Variants in DPP6 observed in about 807,000 individuals in gnomAD.
DPP6 encodes the protein dipeptidyl peptidase like 6.
DPP6 carries 69 observed loss-of-function variants against 122.6 expected under a neutral mutation model. The observed-to-expected ratio is 0.56, with a 90% CI of 0.46 to 0.69. DPP6 has a LOEUF of 0.69. DPP6 is among the 30% of genes least tolerant of loss of function. The pLI is 0.00. For missense variants in DPP6, 928 were observed against 1,116.9 expected, an observed-to-expected ratio of 0.83 and a Z score of 2.41; for synonymous variants, 418 against 433.1, an observed-to-expected ratio of 0.97 and a Z score of 0.43.
intron 1 of DPP6, among the ~76,000 whole-genome samples, chr7:154,211,062 CA>C (rs1799714716): frequency 6.6e-6 from 1 of 152,186 alleles, no homozygotes; most frequent in Non-Finnish European, 1.5e-5. Context: ...TGGCACAGGT[CA>C]TAGGAACCCC....
At chr7:154,429,786 C>T (rs146860419) in intron 1 of DPP6, among the ~76,000 whole-genome samples, 37 of 152,246 alleles carry the variant, frequency 2.4e-4, no homozygotes, top group African/African-American at 7.9e-4. Flanking sequence ...TGAGGTGCAG[C>T]GAGGCCGGTG....
chr7:154,016,111 A>G (rs1798399015), intron 1 of DPP6, among the ~76,000 whole-genome samples: 1 of 152,104 alleles, frequency 6.6e-6, no homozygotes, highest in Non-Finnish European at 1.5e-5. Context: ...TCTTCCCGCC[A>G]TTCAAGTCAG....
intron 4 of DPP6, among the ~76,000 whole-genome samples, chr7:154,546,941 C>T (rs561219762): frequency 1.3e-5 from 2 of 152,352 alleles, no homozygotes; most frequent in East Asian, 3.9e-4. Context: ...CTGTTAAGTG[C>T]TTTATGCGCT....
intron 1 of DPP6, among the ~76,000 whole-genome samples, chr7:154,150,762 T>C (rs1313062091): frequency 2.6e-5 from 4 of 152,134 alleles, no homozygotes. Flanking sequence ...CCCTTTAATA[T>C]CTACATTTAT....
At position 153,902,194 on chromosome 7, in the gene DPP6, C is replaced by G. The variant is rs375004019; in HGVS notation, c.51+14460C>G. 5.9e-5 allele frequency among the ~76,000 whole-genome samples: 9 copies of G among 152,260 alleles called. No individual in the cohort carries two copies. In the East Asian group the frequency reaches 1.2e-3, roughly 20 times the overall value. ...CTTATATAGCCAGGCAGATGCAACC[C>G]ATTAAATACATGTTTTCAAGATAAA... is the stretch of plus-strand genomic sequence containing the variant. On this transcript the variant is annotated intron_variant, in intron 1 of 25. Coordinates refer to the DPP6 transcript ENST00000404039.
chr7:153,887,872 C>G, intron 1 of DPP6: 1 of 931,084 alleles, frequency 1.1e-6, no homozygotes, highest in African/African-American at 1.7e-5. Context: ...CGGCGCTTCT[C>G]CCACTTCCCA....
chr7:153,916,435 G>A (rs1454872643), intron 1 of DPP6, among the ~76,000 whole-genome samples: 10 of 117,260 alleles, frequency 8.5e-5, no homozygotes, highest in African/African-American at 2.3e-4. Flanking sequence ...TCCCCTCTTC[G>A]AAGTCTATCT....
intron 10 of DPP6, among the ~76,000 whole-genome samples, chr7:154,781,943 C>A (rs144876482): frequency 1.1e-3 from 166 of 152,296 alleles, no homozygotes; most frequent in Admixed American, 2.1e-3. Context: ...AACAAATGGA[C>A]TAATAAAAAA....
At chr7:154,716,334 C>T (rs1293195344) in intron 7 of DPP6, among the ~76,000 whole-genome samples, 1 of 152,184 alleles carries the variant, frequency 6.6e-6, no homozygotes, top group African/African-American at 2.4e-5. Flanking sequence ...CTTGCTGTGT[C>T]TTTTACCACC....
chr7:154,550,001 T>C (rs992263541), intron 4 of DPP6, among the ~76,000 whole-genome samples: 18 of 152,306 alleles, frequency 1.2e-4, no homozygotes, highest in African/African-American at 2.9e-4. Context: ...TTTAGAAATA[T>C]GTTTTGCTAT....
chr7:154,864,124 C>A (rs547086598), intron 17 of DPP6, among the ~76,000 whole-genome samples: 1 of 152,284 alleles, frequency 6.6e-6, no homozygotes, highest in South Asian at 2.1e-4. Flanking sequence ...GCCGGAGAGA[C>A]TTCTGCCTAA....
chr7:154,324,867 A>ATTTTTTTTTTTTTTTTTTTTTTTGTTT (rs143944650), intron 1 of DPP6, among the ~76,000 whole-genome samples: 1 of 113,090 alleles, frequency 8.8e-6, no homozygotes, highest in Non-Finnish European at 1.7e-5. Flanking sequence ...TCCTTTTGTT[A>ATTTTTTTTTTTTTTTTTTTTTTTGTTT]TTTTTTTTTT....
At chr7:153,763,170 C>A in the DPP6 span, among the ~76,000 whole-genome samples, 1 of 152,084 alleles carries the variant, frequency 6.6e-6, no homozygotes, top group Non-Finnish European at 1.5e-5. Context: ...GTCTTTACTT[C>A]CATTTATTTC....
intron 1 of DPP6, among the ~76,000 whole-genome samples, chr7:154,168,467 G>A (rs1170379139): frequency 6.6e-6 from 1 of 152,190 alleles, no homozygotes; most frequent in Non-Finnish European, 1.5e-5. Flanking sequence ...AGCTCTGATT[G>A]TAGGTCACCT....
intron 5 of DPP6, among the ~76,000 whole-genome samples, chr7:154,620,196 T>TC: frequency 6.6e-6 from 1 of 152,160 alleles, no homozygotes; most frequent in South Asian, 2.1e-4. Flanking sequence ...TATTTTTAAC[T>TC]CTGGGAAAAT....
chr7:153,968,167 T>C (rs1167718937), intron 1 of DPP6, among the ~76,000 whole-genome samples: 1 of 150,190 alleles, frequency 6.7e-6, no homozygotes, highest in African/African-American at 2.5e-5. Context: ...ACACTCCCAC[T>C]GACAGTGTGT....
intron 1 of DPP6, among the ~76,000 whole-genome samples, chr7:154,425,630 GTGTGTGTGTGT>G (rs1817849769): frequency 7.5e-6 from 1 of 133,300 alleles, no homozygotes; most frequent in Admixed American, 7.0e-5. Context: ...GGGTGTGTGT[GTGTGTGTGTGT>G]GTGTGTGTGT....
At chr7:153,767,534 A>T in the DPP6 span, among the ~76,000 whole-genome samples, 2 of 137,658 alleles carry the variant, frequency 1.5e-5, no homozygotes, top group South Asian at 2.4e-4. Flanking sequence ...CACCCGGTTA[A>T]TTTTTTTTTT....
At chr7:154,119,663 T>TA (rs1224776734) in intron 1 of DPP6, among the ~76,000 whole-genome samples, 2 of 134,144 alleles carry the variant, frequency 1.5e-5, no homozygotes, top group African/African-American at 5.1e-5. Context: ...AAAAGGGACA[T>TA]AATTAGATGC....
Sources: allele counts gnomAD v4.1 joint callset (sites outside exome capture counted in the v4.1 genomes callset), GRCh38; gene constraint gnomAD v4.1.1; transcripts MANE v1.5; gene names NCBI Gene and HGNC (gene_info 2026-07-23, HGNC 2026-07-21).